TGM2: variants seen among roughly 807,000 people sequenced by gnomAD.
The protein encoded by TGM2 is transglutaminase 2, also known as protein-glutamine gamma-glutamyltransferase 2.
Under a neutral mutation model 75.6 loss-of-function variants are expected in TGM2, and 53 were observed. That is an observed-to-expected ratio of 0.70 (90% CI 0.56 to 0.88). The LOEUF (loss-of-function observed/expected upper bound fraction) is 0.88. Ranked by LOEUF, TGM2 falls within the 40% of genes least tolerant of loss-of-function variation. The probability of loss-of-function intolerance (pLI) is 0.00; values close to 1 mark genes in which losing one functional copy is unlikely to be tolerated. For synonymous variants in TGM2, 374 were observed against 381.1 expected (o/e 0.98, Z 0.22); for missense variants, 842 against 928.5 (o/e 0.91, Z 1.21).
intron 2 of TGM2, among the ~76,000 whole-genome samples, chr20:38,159,331 G>A (rs1467544034): frequency 6.6e-6 from 1 of 152,074 alleles, no homozygotes. Flanking sequence ...CGCATAGAGG[G>A]AAACAACACA....
chr20:38,127,447 T>G lies in TGM2; in HGVS notation c.*2772A>C, dbSNP rs926136950. The G allele has an allele frequency of 4.9e-5, 41 of 843,950 alleles. No individual in the cohort carries two copies. Among genetic ancestry groups the G allele is most frequent in the Middle Eastern group, 6.1e-4 (1 of 1,650 alleles). The allele number at this position is 843,950 out of a possible 1,614,324, so 52.3% of individuals were successfully genotyped here. On this transcript the variant is annotated 3_prime_UTR_variant, in exon 13 of 13. Coordinates refer to ENST00000361475, the MANE Select transcript of TGM2 (RefSeq NM_004613.4). Reference sequence around the variant, plus strand: ...TGCATGTCATGTCTTTCTACATGACTTCCCAAGGGTGGGGACTGTCCCCAT... The same window carrying G: ...TGCATGTCATGTCTTTCTACATGACGTCCCAAGGGTGGGGACTGTCCCCAT...
Position 38,128,017 on chromosome 20 carries a change from G to A in TGM2, c.*2202C>T, listed in dbSNP as rs552809613. The A allele has an allele frequency of 6.6e-6, 1 of 152,326 alleles. No individual in the cohort carries two copies. The highest frequency in any genetic ancestry group is 2.4e-5 in the African/African-American group (1 of 41,570). 9.4% of individuals were successfully genotyped at this position (152,326 alleles called of 1,614,324 possible). On this transcript the variant is annotated 3_prime_UTR_variant, in exon 13 of 13. Transcript: ENST00000361475. The stretch of plus-strand genomic sequence containing the variant: ...GAGAAGGGGACAGATAGGCCAACGT[G>A]GAAGTAAAATTTACTGTGATAAATG...
intron 4 of TGM2, among the ~76,000 whole-genome samples, chr20:38,149,641 T>TGCA (rs1340231375): frequency 1.6e-5 from 2 of 128,672 alleles, no homozygotes; most frequent in South Asian, 2.5e-4. Context: ...ATTGCACCAC[T>TGCA]GCACTCCAGC....
At chr20:38,134,631 T>C (rs2074875902) in intron 10 of TGM2, among the ~76,000 whole-genome samples, 1 of 152,174 alleles carries the variant, frequency 6.6e-6, no homozygotes, top group Non-Finnish European at 1.5e-5. Flanking sequence ...TCTAGAAGGT[T>C]ACTCTGGGGA....
Position 38,132,451 on chromosome 20 carries a change from A to G in TGM2, c.1665T>C (p.Leu555=). ...GCACCTTGATGAGGTTGGACTCCGT[A>G]AGGCAGTCACGGTATTTCTCATAGA... ...CILYEKYRDC[L]TESNLIKVRA... Residue 555 remains leucine, a synonymous_variant, in exon 11 of 13, where the codon CTT becomes CTC. Coordinates refer to ENST00000361475, the MANE Select transcript of TGM2 (RefSeq NM_004613.4). 9 of 1,614,180 alleles carry G rather than the reference A, an allele frequency of 5.6e-6. No homozygotes were observed. The highest frequency in any genetic ancestry group is 7.6e-6 in the Non-Finnish European group (9 of 1,180,022).
chr20:38,158,829 C>T (rs1471692671), intron 2 of TGM2, among the ~76,000 whole-genome samples: 1 of 152,238 alleles, frequency 6.6e-6, no homozygotes, highest in Non-Finnish European at 1.5e-5. Context: ...GGAGCAGAGT[C>T]AGCTGGCCAG....
intron 4 of TGM2, among the ~76,000 whole-genome samples, chr20:38,148,942 A>G (rs2075080213): frequency 6.6e-6 from 1 of 151,890 alleles, no homozygotes; most frequent in Non-Finnish European, 1.5e-5. Context: ...CCTGGGCCAG[A>G]TCTCCCTCCA....
intron 9 of TGM2, 145 bp from the exon 10 acceptor site, chr20:38,138,530 G>C (rs1474820553): frequency 1.4e-6 from 2 of 1,476,870 alleles, no homozygotes; most frequent in Non-Finnish European, 1.8e-6. Flanking sequence ...GGGCCAGAAG[G>C]ACACAGCATT....
At chr20:38,158,087 C>T (rs2075209480) in intron 2 of TGM2, among the ~76,000 whole-genome samples, 1 of 152,222 alleles carries the variant, frequency 6.6e-6, no homozygotes, top group South Asian at 2.1e-4. Flanking sequence ...TTTCCAATCT[C>T]AGAAATGTCC....
At chr20:38,130,521 C>A in intron 12 of TGM2, 152 bp from the exon 13 acceptor site, 2 of 843,634 alleles carry the variant, frequency 2.4e-6, no homozygotes, top group Non-Finnish European at 3.6e-6. Flanking sequence ...CCTGGACAAT[C>A]TGCCCTCCTA....
In TGM2 at chr20:38,161,499, C is replaced by G. The variant is rs375639089; in HGVS notation, c.111G>C (p.Gln37His). ...CAAAGTGCAGGGTCAGCCAGAAGGG[C>G]TGGCCCCGTCGCACCACCAGCTTCT... Reference protein sequence around the residue: ...CREKLVVRRGQPFWLTLHFEG... With the variant: ...CREKLVVRRGHPFWLTLHFEG... The change falls in exon 2 of 13, where the codon CAG becomes CAC. Residue 37 changes from glutamine to histidine, a missense_variant. Physicochemically the swap from Gln to His is conservative, Grantham distance 24. Transcript: ENST00000361475. 8.1e-6 allele frequency: 13 copies of G among 1,614,074 alleles called. No homozygotes were observed. The highest frequency in any genetic ancestry group is 1.1e-5 in the Non-Finnish European group (13 of 1,180,052).
At chr20:38,138,842 C>T (rs1488118391) in intron 9 of TGM2, among the ~76,000 whole-genome samples, 1 of 152,186 alleles carries the variant, frequency 6.6e-6, no homozygotes, top group Non-Finnish European at 1.5e-5. Context: ...TCCTTATATT[C>T]CATTTGCCTC....
At chr20:38,142,764 G>T (rs1164295802) in intron 6 of TGM2, among the ~76,000 whole-genome samples, 1 of 152,234 alleles carries the variant, frequency 6.6e-6, no homozygotes, top group African/African-American at 2.4e-5. Context: ...ATTGTCCTTG[G>T]TTCCCCATGG....
At chr20:38,150,826 G>T in intron 4 of TGM2, 113 bp downstream of exon 4, 1 of 849,704 alleles carries the variant, frequency 1.2e-6, no homozygotes, top group Non-Finnish European at 2.1e-6. Flanking sequence ...ACAGCATGAA[G>T]TGGGTGACTC....
At chr20:38,163,138 G>T (rs911899308) in intron 1 of TGM2, among the ~76,000 whole-genome samples, 1 of 152,202 alleles carries the variant, frequency 6.6e-6, no homozygotes, top group African/African-American at 2.4e-5. Flanking sequence ...GAGGACCAGG[G>T]CACGGTCAGG....
rs1878309796 is a variant in TGM2, at chr20:38,130,068, C to T, written c.*151G>A. On this transcript the variant is annotated 3_prime_UTR_variant, in exon 13 of 13. Transcript: ENST00000361475. ...CACAGGCTCAGGAGGCTGAGATGGGCCAGGGGCACATTCCATTTCCGAGAG... is the reference window on the plus strand; with the variant it reads ...CACAGGCTCAGGAGGCTGAGATGGGTCAGGGGCACATTCCATTTCCGAGAG... 1.9e-6 allele frequency: 2 copies of T among 1,028,642 alleles called. No homozygotes were observed. Among genetic ancestry groups the T allele is most frequent in the Admixed American group, 2.2e-5 (1 of 45,546 alleles). 63.7% of individuals were successfully genotyped at this position (1,028,642 alleles called of 1,614,324 possible).
intron 5 of TGM2, among the ~76,000 whole-genome samples, chr20:38,147,273 G>C (rs2075057984): frequency 6.6e-6 from 1 of 151,986 alleles, no homozygotes; most frequent in African/African-American, 2.4e-5. Context: ...ATTACCTCGA[G>C]AATAAAATCA....
chr20:38,136,929 C>A (rs944257370), intron 10 of TGM2, among the ~76,000 whole-genome samples: 1 of 152,212 alleles, frequency 6.6e-6, no homozygotes. Flanking sequence ...AGAGGACAAC[C>A]ACTGTGCAGG....
intron 10 of TGM2, chr20:38,132,772 C>T (rs781510699): frequency 1.8e-5 from 10 of 547,150 alleles, no homozygotes; most frequent in African/African-American, 7.5e-5. Context: ...GGTGACCCCG[C>T]GTGAGCCACT....
Sources: gnomAD v4.1 joint callset for allele counts (sites outside exome capture counted in the v4.1 genomes callset) on GRCh38, gnomAD v4.1.1 for gene constraint, MANE v1.5 for transcripts, NCBI Gene and HGNC (gene_info 2026-07-23, HGNC 2026-07-21) for gene names.